FHIT: variants seen among roughly 807,000 people sequenced by gnomAD.
FHIT encodes bis(5'-adenosyl)-triphosphatase.
Under a neutral mutation model 17.9 loss-of-function variants are expected in FHIT, and 19 were observed. The observed-to-expected ratio is 1.06, with a 90% CI of 0.74 to 1.56. The LOEUF is 1.56. Among genes scored for constraint, FHIT ranks in the 40% most tolerant of loss-of-function variants. FHIT has a pLI of 0.00. For missense variants in FHIT, 248 were observed against 189.2 expected (o/e 1.31, Z -1.82); for synonymous variants, 81 against 69.7 (o/e 1.16, Z -0.81).
At position 60,652,727 on chromosome 3, in the gene FHIT, CAAA is replaced by C. The variant is rs782637479; in HGVS notation, c.-17-115751_-17-115749del. Among the ~76,000 whole-genome samples, 19 of 58,994 alleles carry C rather than the reference CAAA, an allele frequency of 3.2e-4. No homozygotes were observed. In the East Asian group the frequency reaches 3.5e-3, roughly 11 times the overall value. The allele number at this position is 58,994 out of a possible 152,430, so 38.7% of individuals were successfully genotyped here. On this transcript the variant is annotated intron_variant, in intron 4 of 9. Coordinates refer to ENST00000492590, the MANE Select transcript of FHIT (RefSeq NM_002012.4). ...TGGGCAAAAGAGAGAGACTCCATCT[CAAA>C]AAAAAAAAAAAAAAAAAAAAAATTC...
rs570806984 is a variant in FHIT at position 59,956,234 on chromosome 3, C to T, written c.280-33820G>A. Among the ~76,000 whole-genome samples the T allele has an allele frequency of 2.2e-3, 334 of 152,208 alleles. 1 individual carries two copies. Among genetic ancestry groups the T allele is most frequent in the Non-Finnish European group, 3.9e-3 (262 of 68,024 alleles). On this transcript the variant is annotated intron_variant, in intron 7 of 9. Coordinates refer to ENST00000492590, the MANE Select transcript of FHIT (RefSeq NM_002012.4). The stretch of plus-strand genomic sequence containing the variant: ...AGCTCTGGAGTCAAACTGACAGGGG[C>T]TGGGTGACTAAAGACAGTCTTCTGG...
chr3:59,837,475 C>T (rs1232946693), intron 8 of FHIT, among the ~76,000 whole-genome samples: 19 of 151,810 alleles, frequency 1.3e-4, no homozygotes, highest in Non-Finnish European at 2.4e-4. Context: ...ACACAATTCC[C>T]CCCACCCCCC....
intron 7 of FHIT, among the ~76,000 whole-genome samples, chr3:59,933,247 A>G (rs1327961398): frequency 6.6e-6 from 1 of 152,170 alleles, no homozygotes. Flanking sequence ...TTCTCTATAA[A>G]GAGAATACTG....
At chr3:59,874,837 T>A (rs996535096) in intron 8 of FHIT, among the ~76,000 whole-genome samples, 1 of 152,198 alleles carries the variant, frequency 6.6e-6, no homozygotes, top group Non-Finnish European at 1.5e-5. Flanking sequence ...TCCAATTCCA[T>A]TCCTTCTAGC....
intron 4 of FHIT, among the ~76,000 whole-genome samples, chr3:60,566,925 GAGAACTACAAACC>G (rs1401255221): frequency 6.8e-6 from 1 of 146,032 alleles, no homozygotes; most frequent in Non-Finnish European, 1.5e-5. Context: ...CCTCTTCAAG[GAGAACTACAAACC>G]ACTGCTCAAA....
chr3:60,413,329 G>T (rs777733793), intron 5 of FHIT, among the ~76,000 whole-genome samples: 1 of 152,102 alleles, frequency 6.6e-6, no homozygotes, highest in African/African-American at 2.4e-5. Context: ...TGGAGTTAGG[G>T]TGAGTAAGAG....
intron 5 of FHIT, among the ~76,000 whole-genome samples, chr3:60,357,695 C>T (rs1176841146): frequency 6.6e-6 from 1 of 152,138 alleles, no homozygotes. Context: ...TGTACTTAGG[C>T]ATATTATTCT....
At position 60,468,852 on chromosome 3, in the gene FHIT, T is replaced by C. The variant is rs116747121; in HGVS notation, c.103+68008A>G. On this transcript the variant is annotated intron_variant, in intron 5 of 9. Transcript: ENST00000492590. Reference sequence around the variant, plus strand: ...TGAAGAAAGAATCCTTTAGCATTTCTTGCAGGATAGTTCTGGTGTTTTGTT... The same window carrying C: ...TGAAGAAAGAATCCTTTAGCATTTCCTGCAGGATAGTTCTGGTGTTTTGTT... Among the ~76,000 whole-genome samples the C allele has an allele frequency of 1.7e-3, 257 of 152,334 alleles. 1 individual carries two copies. Among genetic ancestry groups the C allele is most frequent in the African/African-American group, 5.8e-3 (243 of 41,588 alleles).
Position 61,132,794 on chromosome 3 carries a change from G to C in FHIT, c.-164+67823C>G, listed in dbSNP as rs559534464. Among the ~76,000 whole-genome samples, 11 of 152,196 alleles carry C rather than the reference G, an allele frequency of 7.2e-5. 1 individual carries two copies. In the South Asian group the frequency reaches 2.1e-3, roughly 29 times the overall value. On this transcript the variant is annotated intron_variant, in intron 2 of 9. Transcript: ENST00000492590. Reference sequence around the variant, plus strand: ...AAAGTCTTTGAAGCCATTCCAGAACGTTAAGATCTTACTCTGGAAGCACAA... The same window carrying C: ...AAAGTCTTTGAAGCCATTCCAGAACCTTAAGATCTTACTCTGGAAGCACAA...
intron 3 of FHIT, among the ~76,000 whole-genome samples, chr3:60,932,674 C>T (rs1217648407): frequency 1.3e-5 from 2 of 152,170 alleles, no homozygotes; most frequent in Non-Finnish European, 2.9e-5. Context: ...GTCTTTGCTC[C>T]TTCAGACTTT....
At chr3:60,299,691 C>G (rs1300463946) in intron 5 of FHIT, among the ~76,000 whole-genome samples, 1 of 152,026 alleles carries the variant, frequency 6.6e-6, no homozygotes, top group Non-Finnish European at 1.5e-5. Context: ...CCCATGTGGA[C>G]TCGTTACCAC....
chr3:59,871,662 G>T (rs1702930265), intron 8 of FHIT, among the ~76,000 whole-genome samples: 1 of 152,190 alleles, frequency 6.6e-6, no homozygotes, highest in Admixed American at 6.5e-5. Context: ...CTGTGTCTGG[G>T]TTCAGTGGGT....
chr3:60,000,722 A>C (rs1699696787), intron 7 of FHIT, among the ~76,000 whole-genome samples: 1 of 152,120 alleles, frequency 6.6e-6, no homozygotes, highest in Admixed American at 6.5e-5. Flanking sequence ...TATCATAAGC[A>C]CATGTGAAAT....
chr3:60,226,413 G>A lies in FHIT; in HGVS notation c.104-212261C>T, dbSNP rs150134233. 7.0e-3 allele frequency among the ~76,000 whole-genome samples: 1,015 copies of A among 144,274 alleles called. 10 individuals carry two copies. The highest frequency in any genetic ancestry group is 0.031 in the Middle Eastern group (8 of 260). The allele number at this position is 144,274 out of a possible 152,430, so 94.6% of individuals were successfully genotyped here. On this transcript the variant is annotated intron_variant, in intron 5 of 9. Coordinates refer to ENST00000492590, the MANE Select transcript of FHIT (RefSeq NM_002012.4). ...CTTGAACCCGGGAGGCGGAGGTTGC[G>A]GTGAGCTGAGATCGCACCATTGCAC...
At chr3:60,452,087 A>T (rs923326804) in intron 5 of FHIT, among the ~76,000 whole-genome samples, 2 of 152,174 alleles carry the variant, frequency 1.3e-5, no homozygotes, top group African/African-American at 4.8e-5. Flanking sequence ...CTTCTGTGAG[A>T]TTTCTCATAT....
chr3:59,953,532 C>T (rs1406843771), intron 7 of FHIT, among the ~76,000 whole-genome samples: 1 of 152,202 alleles, frequency 6.6e-6, no homozygotes, highest in African/African-American at 2.4e-5. Context: ...CACTTGCAGA[C>T]ATATCTTTAG....
intron 4 of FHIT, among the ~76,000 whole-genome samples, chr3:60,613,618 T>G (rs1553674564): frequency 6.6e-6 from 1 of 152,168 alleles, no homozygotes; most frequent in African/African-American, 2.4e-5. Flanking sequence ...TCCCTTTATA[T>G]TCCTTCATCT....
intron 7 of FHIT, among the ~76,000 whole-genome samples, chr3:59,974,079 G>C (rs988059143): frequency 1.3e-5 from 2 of 151,984 alleles, no homozygotes; most frequent in African/African-American, 4.8e-5. Flanking sequence ...AACTGATATG[G>C]ACTGCCTCAT....
At chr3:59,994,010 T>A (rs1438828062) in intron 7 of FHIT, among the ~76,000 whole-genome samples, 1 of 152,068 alleles carries the variant, frequency 6.6e-6, no homozygotes, top group South Asian at 2.1e-4. Flanking sequence ...ACTATTCTCA[T>A]AACTACTCTA....
Sources: allele counts gnomAD v4.1 joint callset (sites outside exome capture counted in the v4.1 genomes callset), GRCh38; gene constraint gnomAD v4.1.1; transcripts MANE v1.5; gene names NCBI Gene and HGNC (gene_info 2026-07-23, HGNC 2026-07-21).